The following FER variants were observed in gnomAD, a reference collection of about 807,000 sequenced individuals.
FER encodes tyrosine-protein kinase Fer.
In FER, 63 loss-of-function variants were observed where a neutral mutation model predicts 111.0. That is an observed-to-expected ratio of 0.57 (90% CI 0.46 to 0.70). The LOEUF is 0.70. Among genes scored for constraint, FER ranks in the 30% least tolerant of loss-of-function variants. The pLI, the probability that FER is intolerant of heterozygous loss-of-function variation, is 0.00. For synonymous variants in FER, 327 were observed against 313.9 expected, an observed-to-expected ratio of 1.04 and a Z score of -0.44; for missense variants, 914 against 954.0, an observed-to-expected ratio of 0.96 and a Z score of 0.55.
intron 13 of FER, among the ~76,000 whole-genome samples, chr5:108,986,871 G>A (rs1157971995): frequency 6.6e-6 from 1 of 152,088 alleles, no homozygotes; most frequent in Non-Finnish European, 1.5e-5. Flanking sequence ...TTGGAGTCAG[G>A]TAATGTGATG....
At chr5:109,102,597 A>T (rs1183340062) in intron 17 of FER, among the ~76,000 whole-genome samples, 1 of 152,152 alleles carries the variant, frequency 6.6e-6, no homozygotes, top group Non-Finnish European at 1.5e-5. Context: ...ACATTTAAAA[A>T]TGTTTGTTAT....
rs747514879 is a variant in FER at position 109,123,157 on chromosome 5, G to GTTTTTTTT, written c.2048+22647_2048+22654dup. On this transcript the variant is annotated intron_variant, in intron 17 of 19. Coordinates refer to ENST00000281092, the MANE Select transcript of FER (RefSeq NM_005246.4). Reference sequence around the variant, plus strand: ...CTCTTATTTCCTTCCTTCCTGTCTTGTTTTTTTTTTTTTTTTGAGACGGAG... The same window carrying GTTTTTTTT: ...CTCTTATTTCCTTCCTTCCTGTCTTGTTTTTTTTTTTTTTTTTTTTTTTTGAGACGGAG... 5.6e-5 allele frequency among the ~76,000 whole-genome samples: 7 copies of GTTTTTTTT among 124,228 alleles called. 2 individuals are homozygous for GTTTTTTTT. Among genetic ancestry groups the GTTTTTTTT allele is most frequent in the Non-Finnish European group, 8.3e-5 (5 of 60,590 alleles). The allele number at this position is 124,228 out of a possible 152,430, so 81.5% of individuals were successfully genotyped here.
chr5:108,896,753 G>A (rs1455479719), intron 9 of FER, among the ~76,000 whole-genome samples: 1 of 152,138 alleles, frequency 6.6e-6, no homozygotes, highest in African/African-American at 2.4e-5. Flanking sequence ...TTCAGTTTAT[G>A]TTGAGACTTA....
intron 17 of FER, among the ~76,000 whole-genome samples, chr5:109,101,239 C>CA (rs2150067300): frequency 6.6e-6 from 1 of 151,990 alleles, no homozygotes; most frequent in East Asian, 1.9e-4. Flanking sequence ...TAAATAAGCA[C>CA]AATGAAGTGG....
intron 16 of FER, among the ~76,000 whole-genome samples, chr5:109,058,769 G>A (rs1581843331): frequency 2.0e-5 from 2 of 101,438 alleles, no homozygotes; most frequent in African/African-American, 8.0e-5. Flanking sequence ...GTCTAGCTCT[G>A]TCTCCCAGCC....
At chr5:108,904,678 A>G (rs1750503462) in intron 10 of FER, among the ~76,000 whole-genome samples, 1 of 152,192 alleles carries the variant, frequency 6.6e-6, no homozygotes, top group Admixed American at 6.5e-5. Context: ...AATCCTTGTA[A>G]TACTATTGTG....
At chr5:109,007,045 G>T (rs1765586576) in intron 13 of FER, among the ~76,000 whole-genome samples, 1 of 152,078 alleles carries the variant, frequency 6.6e-6, no homozygotes, top group African/African-American at 2.4e-5. Context: ...TATTAGTTGG[G>T]TTATTCAGAA....
At position 109,100,511 on chromosome 5, in the gene FER, T is replaced by C; in HGVS notation, c.2040T>C (p.Cys680=). The stretch of plus-strand genomic sequence containing the variant: ...TGTTGTATCTCGAGAGTAAAAACTG[T>C]ATACACAGGTAAGGAGAACATTTTT... ...AGMLYLESKN[C]IHRDLAARNC... is the part of the protein sequence containing the mutation. The change falls in exon 17 of 20, where the codon TGT becomes TGC. Residue 680 remains cysteine, a synonymous_variant. Coordinates refer to ENST00000281092, the MANE Select transcript of FER (RefSeq NM_005246.4). The C allele has an allele frequency of 6.2e-7, 1 of 1,609,546 alleles. No individual in the cohort carries two copies. The highest frequency in any genetic ancestry group is 8.5e-7 in the Non-Finnish European group (1 of 1,177,280).
rs115578146 is a variant in FER, at chr5:109,088,557, A to G, written c.1925-11839A>G. Reference sequence around the variant, plus strand: ...CATTGGGGTTGAGGTGAGAAAAGGAAGAGAATTATCTGCTGATTGCAAAGA... The same window carrying G: ...CATTGGGGTTGAGGTGAGAAAAGGAGGAGAATTATCTGCTGATTGCAAAGA... On this transcript the variant is annotated intron_variant, in intron 16 of 19. Transcript: ENST00000281092. Among the ~76,000 whole-genome samples the G allele has an allele frequency of 3.0e-3, 459 of 152,188 alleles. 1 individual carries two copies. The highest frequency in any genetic ancestry group is 0.01 in the African/African-American group (433 of 41,562).
intron 13 of FER, among the ~76,000 whole-genome samples, chr5:109,023,381 G>A (rs974056753): frequency 2.0e-5 from 3 of 152,112 alleles, no homozygotes; most frequent in African/African-American, 7.2e-5. Context: ...GTTAGTCTGA[G>A]GTACTATTAG....
intron 2 of FER, among the ~76,000 whole-genome samples, chr5:108,776,916 G>T (rs1753557337): frequency 6.6e-6 from 1 of 152,160 alleles, no homozygotes; most frequent in African/African-American, 2.4e-5. Flanking sequence ...AGATACTGTT[G>T]CTAATAACAT....
chr5:108,960,757 G>C (rs1256000954), intron 13 of FER, among the ~76,000 whole-genome samples: 1 of 151,988 alleles, frequency 6.6e-6, no homozygotes, highest in Non-Finnish European at 1.5e-5. Flanking sequence ...ACCTCAAACT[G>C]TGCTTATCAC....
At position 109,188,178 on chromosome 5, in the gene FER, C is replaced by T. The variant is rs1759084307; in HGVS notation, c.*603C>T. The T allele has an allele frequency of 6.6e-6, 1 of 151,076 alleles. No homozygotes were observed. Among genetic ancestry groups the T allele is most frequent in the South Asian group, 2.1e-4 (1 of 4,798 alleles). 9.4% of individuals were successfully genotyped at this position (151,076 alleles called of 1,614,324 possible). A position where few individuals can be genotyped will look rare whatever the true frequency, so the allele number is the denominator to read the frequency against. The stretch of plus-strand genomic sequence containing the variant: ...TTTGTAAGGTTGTCATTTTCCTCCT[C>T]CTTTGTCTGGGCATCAGAAAACAAT... On this transcript the variant is annotated 3_prime_UTR_variant, in exon 20 of 20. Coordinates refer to ENST00000281092, the MANE Select transcript of FER (RefSeq NM_005246.4).
intron 13 of FER, among the ~76,000 whole-genome samples, chr5:109,019,725 A>G (rs1289629007): frequency 6.6e-6 from 1 of 151,738 alleles, no homozygotes; most frequent in African/African-American, 2.4e-5. Flanking sequence ...GAGGTCATTC[A>G]TTTCTTCTAG....
intron 5 of FER, among the ~76,000 whole-genome samples, chr5:108,861,377 G>A (rs1763502079): frequency 6.6e-6 from 1 of 152,016 alleles, no homozygotes; most frequent in African/African-American, 2.4e-5. Context: ...TATTGTTGAT[G>A]GCATGATATG....
chr5:108,940,394 A>G (rs1756091364), intron 10 of FER, among the ~76,000 whole-genome samples: 2 of 152,144 alleles, frequency 1.3e-5, no homozygotes. Flanking sequence ...CAGGTTGGAT[A>G]TGGAAAGTCA....
At chr5:108,748,705 G>C (rs1362987439) in intron 1 of FER, 3 of 152,304 alleles carry the variant, frequency 2.0e-5, no homozygotes, top group African/African-American at 7.2e-5. Flanking sequence ...TGGGCTAAGC[G>C]TGCGCCCACC....
At chr5:108,885,272 A>T (rs62360794) in intron 9 of FER, among the ~76,000 whole-genome samples, 5,740 of 151,962 alleles carry the variant, frequency 0.038, 173 homozygotes, top group Middle Eastern at 0.088. Context: ...CATACAACCC[A>T]ACCAAACTCA....
At chr5:109,133,750 T>C (rs1415700994) in intron 17 of FER, among the ~76,000 whole-genome samples, 2 of 152,134 alleles carry the variant, frequency 1.3e-5, no homozygotes, top group African/African-American at 4.8e-5. Context: ...TCTATGTATT[T>C]CCCATGAGTC....
Sources: allele counts gnomAD v4.1 joint callset (sites outside exome capture counted in the v4.1 genomes callset), GRCh38; gene constraint gnomAD v4.1.1; transcripts MANE v1.5; gene names NCBI Gene and HGNC (gene_info 2026-07-23, HGNC 2026-07-21).